Variants in FRAS1 observed in about 807,000 individuals in gnomAD.
FRAS1 encodes the protein Fraser extracellular matrix complex subunit 1, also known as extracellular matrix organizing protein FRAS1.
Under a neutral mutation model 435.2 loss-of-function variants are expected in FRAS1, and 290 were observed. The observed-to-expected ratio is 0.67, with a 90% confidence interval of 0.61 to 0.73. The LOEUF (loss-of-function observed/expected upper bound fraction) is 0.73. FRAS1 is among the 30% of genes least tolerant of loss of function. FRAS1 has a pLI of 0.00. For synonymous variants in FRAS1, 1,800 were observed against 1,851.0 expected (o/e 0.97, Z 0.71); for missense variants, 4,860 against 5,001.5 (o/e 0.97, Z 0.85).
Position 78,432,585 on chromosome 4 carries a change from G to T in FRAS1, c.5198G>T (p.Arg1733Met), listed in dbSNP as rs770583172. The part of the protein sequence containing the change: ...VASKSTAIIT[R>M]SHLAYVDDSS... The stretch of plus-strand genomic sequence containing the variant: ...AGTAAAAGCACAGCCATAATCACTA[G>T]GTCACACCTTGCTTACGTGGTAAGT... Residue 1733 changes from arginine (R) to methionine (M), a missense_variant, in exon 38 of 74, where the codon AGG becomes ATG. Coordinates refer to ENST00000512123, the MANE Select transcript of FRAS1 (RefSeq NM_025074.7). 1.3e-6 allele frequency: 2 copies of T among 1,589,894 alleles called. No individual in the cohort carries two copies. The highest frequency in any genetic ancestry group is 1.7e-6 in the Non-Finnish European group (2 of 1,165,722).
rs79621724 is a variant in FRAS1 at position 78,211,685 on chromosome 4, TA to T, written c.109-25817del. On this transcript the variant is annotated intron_variant, in intron 2 of 73. Transcript: ENST00000512123. ...TCTGACATTAAGTAATCCCCTCTTT[TA>T]AAAAAAATTGTTGTAATATATGTAC... is the stretch of plus-strand genomic sequence containing the variant. 0.021 allele frequency among the ~76,000 whole-genome samples: 3,132 copies of T among 152,166 alleles called. 309 individuals are homozygous for T. The East Asian group carries it at 0.32, about 15-fold the overall frequency.
In FRAS1 at chr4:78,305,970, C is replaced by G. The variant is rs1728691425; in HGVS notation, c.1535-2096C>G. ...TTCCTCTTAGTCTCGATGGTCTTTA[C>G]ATTTTGGCATGATTTTGCAGTGGCT... On this transcript the variant is annotated intron_variant, in intron 14 of 73. Transcript: ENST00000512123. Among the ~76,000 whole-genome samples, 3 of 152,054 alleles carry G rather than the reference C, an allele frequency of 2.0e-5. 1 individual carries two copies. The South Asian group carries it at 6.3e-4, about 32-fold the overall frequency.
At chr4:78,062,570 C>T (rs1739806308) in intron 1 of FRAS1, among the ~76,000 whole-genome samples, 1 of 152,078 alleles carries the variant, frequency 6.6e-6, no homozygotes, top group African/African-American at 2.4e-5. Flanking sequence ...GATTTAACTT[C>T]TCTAATTTAC....
intron 9 of FRAS1, among the ~76,000 whole-genome samples, chr4:78,271,384 T>C (rs1238991329): frequency 6.6e-6 from 1 of 152,204 alleles, no homozygotes; most frequent in Non-Finnish European, 1.5e-5. Flanking sequence ...TACATATGTA[T>C]ACATGTGCCA....
chr4:78,098,276 C>CT (rs5859606), intron 2 of FRAS1, among the ~76,000 whole-genome samples: 29,809 of 132,700 alleles, frequency 0.22, 3,650 homozygotes, highest in African/African-American at 0.31. Context: ...TAGATCTTTT[C>CT]TTTTTTTTTT....
At chr4:78,485,296 T>G (rs1183138892) in intron 58 of FRAS1, among the ~76,000 whole-genome samples, 3 of 152,342 alleles carry the variant, frequency 2.0e-5, no homozygotes, top group South Asian at 2.1e-4. Flanking sequence ...CACCTGGCAT[T>G]TATCACTCTT....
At chr4:78,319,105 T>TTATTCACAAGCATCTA in intron 18 of FRAS1, 119 bp downstream of exon 18, 1 of 1,042,654 alleles carries the variant, frequency 9.6e-7, no homozygotes, top group Non-Finnish European at 1.4e-6. Context: ...CCTAGATGCT[T>TTATTCACAAGCATCTA]GTGAATAAAG....
At chr4:78,118,474 G>A (rs539963097) in intron 2 of FRAS1, among the ~76,000 whole-genome samples, 190 of 152,106 alleles carry the variant, frequency 1.2e-3, no homozygotes, top group Non-Finnish European at 2.1e-3. Context: ...GCTGCAGATC[G>A]AGCTTCCCGG....
intron 2 of FRAS1, among the ~76,000 whole-genome samples, chr4:78,224,194 C>T (rs1017011790): frequency 1.3e-5 from 2 of 152,176 alleles, no homozygotes; most frequent in African/African-American, 2.4e-5. Context: ...TGATCAGTGG[C>T]TCAAAACTGG....
At chr4:78,299,111 G>T (rs565491513) in intron 14 of FRAS1, among the ~76,000 whole-genome samples, 20 of 152,340 alleles carry the variant, frequency 1.3e-4, no homozygotes, top group African/African-American at 4.8e-4. Context: ...GGCGAATCCT[G>T]TGTGGGGCAT....
intron 29 of FRAS1, among the ~76,000 whole-genome samples, chr4:78,393,056 A>T (rs762813102): frequency 6.0e-5 from 9 of 150,946 alleles, no homozygotes; most frequent in Non-Finnish European, 1.0e-4. Context: ...GGAATGATTG[A>T]CATGTAAAAA....
rs1286152603 is a variant in FRAS1 at position 78,541,493 on chromosome 4, AG to A, written c.*371del. The A allele has an allele frequency of 1.2e-5, 2 of 162,378 alleles. No homozygotes were observed. Among genetic ancestry groups the A allele is most frequent in the African/African-American group, 4.8e-5 (2 of 41,934 alleles). The allele number at this position is 162,378 out of a possible 1,614,324, so 10.1% of individuals were successfully genotyped here. ...ATGGCAGATCTCAGAGAGAAGAAGT[AG>A]GTACGGGCCTTTGGTTCCCTCCCCC... On this transcript the variant is annotated 3_prime_UTR_variant, in exon 74 of 74. Coordinates refer to ENST00000512123, the MANE Select transcript of FRAS1 (RefSeq NM_025074.7).
At chr4:78,358,952 A>C (rs1730969630) in intron 20 of FRAS1, among the ~76,000 whole-genome samples, 1 of 152,232 alleles carries the variant, frequency 6.6e-6, no homozygotes, top group Admixed American at 6.5e-5. Context: ...ATCTATGTAA[A>C]AATCTCTATA....
chr4:78,476,099 T>C (rs1420438055), intron 54 of FRAS1, among the ~76,000 whole-genome samples: 1 of 152,198 alleles, frequency 6.6e-6, no homozygotes, highest in Non-Finnish European at 1.5e-5. Flanking sequence ...AGTGGATTGA[T>C]TAGACAGTGG....
intron 56 of FRAS1, 107 bp from the exon 57 acceptor site, chr4:78,481,697 G>A: frequency 1.6e-6 from 2 of 1,256,294 alleles, no homozygotes; most frequent in Non-Finnish European, 2.3e-6. Flanking sequence ...AAAGCTCAAA[G>A]GGCTAAAAGC....
At position 78,511,520 on chromosome 4, in the gene FRAS1, T is replaced by C; in HGVS notation, c.10013+14T>C. 1 of 1,579,944 alleles carries C rather than the reference T, an allele frequency of 6.3e-7. No individual in the cohort carries two copies. Among genetic ancestry groups the C allele is most frequent in the Non-Finnish European group, 8.7e-7 (1 of 1,151,300 alleles). On this transcript the variant is annotated intron_variant, in intron 64 of 73. Transcript: ENST00000512123. ...GCATCCGAACAGGTCAGGCAGGTGG[T>C]GCCTTCCACCACACATAGATTGAAG...
intron 2 of FRAS1, among the ~76,000 whole-genome samples, chr4:78,151,624 T>C (rs548012358): frequency 4.6e-5 from 7 of 152,310 alleles, no homozygotes; most frequent in African/African-American, 1.7e-4. Flanking sequence ...GCCCTGAGTA[T>C]AAGATAGTAA....
intron 2 of FRAS1, among the ~76,000 whole-genome samples, chr4:78,217,019 T>C (rs1723796852): frequency 6.6e-6 from 1 of 152,134 alleles, no homozygotes; most frequent in South Asian, 2.1e-4. Flanking sequence ...GATGTGTTTT[T>C]AGGATGATGT....
At chr4:78,114,147 G>A (rs929929748) in intron 2 of FRAS1, among the ~76,000 whole-genome samples, 30 of 152,192 alleles carry the variant, frequency 2.0e-4, no homozygotes, top group African/African-American at 6.3e-4. Flanking sequence ...GTAGGTATGC[G>A]GCATTACTTC....
Sources: allele counts gnomAD v4.1 joint callset (sites outside exome capture counted in the v4.1 genomes callset), GRCh38; gene constraint gnomAD v4.1.1; transcripts MANE v1.5; gene names NCBI Gene and HGNC (gene_info 2026-07-23, HGNC 2026-07-21).